Variants in MYO1E observed in about 807,000 individuals in gnomAD.
MYO1E encodes the protein unconventional myosin-Ie.
In MYO1E, 68 loss-of-function variants were observed where a neutral mutation model predicts 151.1. That is an observed-to-expected ratio of 0.45 (90% CI 0.37 to 0.55). MYO1E has a LOEUF of 0.55. Ranked by LOEUF, MYO1E falls within the 20% of genes least tolerant of loss-of-function variation. The probability of loss-of-function intolerance (pLI) is 0.00; values close to 1 mark genes in which losing one functional copy is unlikely to be tolerated. For missense variants in MYO1E, 1,363 were observed against 1,389.3 expected, an observed-to-expected ratio of 0.98 and a Z score of 0.30; for synonymous variants, 601 against 501.7, an observed-to-expected ratio of 1.20 and a Z score of -2.64.
At chr15:59,288,437 A>G (rs2080399992) in intron 1 of MYO1E, among the ~76,000 whole-genome samples, 1 of 152,164 alleles carries the variant, frequency 6.6e-6, no homozygotes, top group Non-Finnish European at 1.5e-5. Context: ...TTGGCCTCCC[A>G]AAGTGTTGGG....
At chr15:59,345,171 T>C (rs1210177828) in intron 1 of MYO1E, among the ~76,000 whole-genome samples, 1 of 152,070 alleles carries the variant, frequency 6.6e-6, no homozygotes, top group African/African-American at 2.4e-5. Context: ...CTGGAAGCTC[T>C]TTTCTAAAAG....
At chr15:59,361,715 C>G (rs1383499237) in intron 1 of MYO1E, among the ~76,000 whole-genome samples, 4 of 152,156 alleles carry the variant, frequency 2.6e-5, no homozygotes, top group Non-Finnish European at 5.9e-5. Context: ...TTGGATTTTT[C>G]TATATGTAAA....
intron 4 of MYO1E, among the ~76,000 whole-genome samples, chr15:59,241,679 C>T (rs757697683): frequency 8.6e-5 from 13 of 151,304 alleles, no homozygotes; most frequent in Non-Finnish European, 1.3e-4. Flanking sequence ...ACTCCAGCCT[C>T]GGTGACAGAG....
intron 1 of MYO1E, among the ~76,000 whole-genome samples, chr15:59,297,307 T>C (rs1007512273): frequency 6.6e-6 from 1 of 151,518 alleles, no homozygotes; most frequent in Non-Finnish European, 1.5e-5. Flanking sequence ...GGTCTTACTC[T>C]GTCACCCAGG....
At chr15:59,255,951 T>C (rs1295566198) in intron 4 of MYO1E, among the ~76,000 whole-genome samples, 1 of 152,064 alleles carries the variant, frequency 6.6e-6, no homozygotes, top group African/African-American at 2.4e-5. Context: ...ATGACAAAGT[T>C]CACCAAAAAT....
intron 5 of MYO1E, among the ~76,000 whole-genome samples, chr15:59,236,369 T>TATACACAC (rs1392466770): frequency 2.5e-5 from 3 of 117,740 alleles, no homozygotes; most frequent in African/African-American, 9.7e-5. Flanking sequence ...AAAAAATATA[T>TATACACAC]ACACACACAC....
chr15:59,313,749 C>G (rs139599824), intron 1 of MYO1E, among the ~76,000 whole-genome samples: 1 of 151,914 alleles, frequency 6.6e-6, no homozygotes, highest in Non-Finnish European at 1.5e-5. Context: ...AATGCATTCA[C>G]GAAGAGAAAA....
chr15:59,217,930 G>T lies in MYO1E; in HGVS notation c.1068C>A (p.Ala356=), dbSNP rs777403591. The T allele has an allele frequency of 6.2e-7, 1 of 1,614,188 alleles. No homozygotes were observed. Among genetic ancestry groups the T allele is most frequent in the South Asian group, 1.1e-5 (1 of 91,082 alleles). The part of the protein sequence containing the change: ...EQACYTRDAL[A]KALHARVFDF... ...CAAAGACCCGGGCGTGCAGGGCCTT[G>T]GCGAGCGCATCCCGGGTGTAACAGG... is the stretch of plus-strand genomic sequence containing the variant. The change falls in exon 10 of 28, where the codon GCC becomes GCA. Residue 356 remains alanine (A), a synonymous_variant. Coordinates refer to ENST00000288235, the MANE Select transcript of MYO1E (RefSeq NM_004998.4).
chr15:59,248,718 TGGG>T (rs1249999167), intron 4 of MYO1E, among the ~76,000 whole-genome samples: 4 of 151,896 alleles, frequency 2.6e-5, no homozygotes, highest in Non-Finnish European at 5.9e-5. Flanking sequence ...ACAGCAGAGA[TGGG>T]GGGTTTTCTC....
chr15:59,173,853 C>T lies in MYO1E; in HGVS notation c.2227G>A (p.Gly743Arg). 1.2e-6 allele frequency: 2 copies of T among 1,614,080 alleles called. No individual in the cohort carries two copies. The stretch of plus-strand genomic sequence containing the variant: ...TGCTCTTCCATCCCAATATAATCCC[C>T]TATAAAGTTCCTGTTAATACTGTTT... ...RRNSINRNFI[G>R]DYIGMEEHPE... Residue 743 changes from glycine (G) to arginine (R), a missense_variant, in exon 21 of 28, where the codon GGG (glycine) becomes AGG (arginine). Transcript: ENST00000288235.
rs760921930 is a variant in MYO1E at position 59,161,164 on chromosome 15, C to T, written c.2694G>A (p.Gln898=). 6 of 1,614,016 alleles carry T rather than the reference C, an allele frequency of 3.7e-6. No individual in the cohort carries two copies. The highest frequency in any genetic ancestry group is 1.1e-5 in the South Asian group (1 of 91,084). Residue 898 remains glutamine (Q), a synonymous_variant, in exon 24 of 28, where the codon CAG becomes CAA. Coordinates refer to ENST00000288235, the MANE Select transcript of MYO1E (RefSeq NM_004998.4). ...CCAGGTCCCCAAACCCTTGGTGGAA[C>T]TGCACTTGCCGGGAGCCCCCTGCAC... The part of the protein sequence containing the change: ...PWSAGGSRQV[Q]FHQGFGDLAV...
intron 16 of MYO1E, among the ~76,000 whole-genome samples, chr15:59,200,854 C>T (rs1258087585): frequency 3.3e-5 from 5 of 152,056 alleles, no homozygotes; most frequent in African/African-American, 1.2e-4. Context: ...TACAGGGAAG[C>T]GGTGAGGGCA....
At chr15:59,153,228 T>C (rs895036624) in intron 26 of MYO1E, among the ~76,000 whole-genome samples, 12 of 152,220 alleles carry the variant, frequency 7.9e-5, no homozygotes, top group East Asian at 1.9e-4. Context: ...CTTAAAGCTG[T>C]TGTATTTATG....
At chr15:59,174,379 T>C (rs943630131) in intron 19 of MYO1E, 139 bp from the exon 20 acceptor site, 4 of 703,212 alleles carry the variant, frequency 5.7e-6, no homozygotes, top group Non-Finnish European at 7.7e-6. Flanking sequence ...TGAACGAATA[T>C]GTGAAACGCT....
intron 18 of MYO1E, among the ~76,000 whole-genome samples, chr15:59,182,819 G>A (rs1007103874): frequency 9.9e-5 from 15 of 152,124 alleles, no homozygotes; most frequent in Non-Finnish European, 5.9e-5. Context: ...CGTATCACAG[G>A]GTCCCTTACA....
intron 1 of MYO1E, among the ~76,000 whole-genome samples, chr15:59,321,618 G>A (rs1274050393): frequency 7.2e-5 from 11 of 152,174 alleles, no homozygotes; most frequent in African/African-American, 2.7e-4. Flanking sequence ...ACTTAAAAGT[G>A]GGAGCTAAAC....
At chr15:59,261,307 C>A in intron 3 of MYO1E, 113 bp downstream of exon 3, 1 of 563,476 alleles carries the variant, frequency 1.8e-6, no homozygotes. Context: ...CAAGTTTCTC[C>A]AATAAAAAAT....
chr15:59,167,286 C>T (rs143770298), intron 22 of MYO1E, among the ~76,000 whole-genome samples: 9 of 152,298 alleles, frequency 5.9e-5, no homozygotes, highest in Admixed American at 2.0e-4. Flanking sequence ...CCCAGACAGA[C>T]AGCCACACAA....
At chr15:59,199,303 G>C (rs118063628) in intron 16 of MYO1E, among the ~76,000 whole-genome samples, 6,429 of 152,106 alleles carry the variant, frequency 0.042, 133 homozygotes, top group Middle Eastern at 0.061. Context: ...CACCATGTTG[G>C]CCAGACTGAC....
Sources: allele counts gnomAD v4.1 joint callset (sites outside exome capture counted in the v4.1 genomes callset), GRCh38; gene constraint gnomAD v4.1.1; transcripts MANE v1.5; gene names NCBI Gene and HGNC (gene_info 2026-07-23, HGNC 2026-07-21).